Variants in EXOC3L4 observed in about 807,000 individuals in gnomAD.
EXOC3L4 encodes exocyst complex component 3-like protein 4.
EXOC3L4 carries 62 observed loss-of-function variants against 69.7 expected under a neutral mutation model. That is an observed-to-expected ratio of 0.89 (90% confidence interval 0.72 to 1.10). The LOEUF (loss-of-function observed/expected upper bound fraction) is 1.10. Ranked by LOEUF, EXOC3L4 falls within the 50% of genes least tolerant of loss-of-function variation. EXOC3L4 has a pLI of 0.00. For synonymous variants in EXOC3L4, 502 were observed against 464.2 expected, an observed-to-expected ratio of 1.08 and a Z score of -1.05; for missense variants, 1,087 against 1,034.8, an observed-to-expected ratio of 1.05 and a Z score of -0.69.
chr14:103,102,187 T>C lies in EXOC3L4; in HGVS notation c.464T>C (p.Leu155Pro). The change falls in exon 3 of 12, where the codon CTG becomes CCG. Residue 155 changes from leucine to proline, a missense_variant. By Grantham distance (98) the Leu-to-Pro change is moderately conservative. Transcript: ENST00000688303. The stretch of plus-strand genomic sequence containing the variant: ...GCGGCCTTCGAACAGCTTCTGCGCC[T>C]GGAGACGCTGCTGGTGGCCGAGAAG... ...LLAAFEQLLR[L>P]ETLLVAEKAS... 6.2e-7 allele frequency: 1 copy of C among 1,601,310 alleles called. No individual in the cohort carries two copies. Among genetic ancestry groups the C allele is most frequent in the Non-Finnish European group, 8.5e-7 (1 of 1,174,614 alleles).
chr14:103,095,159 AG>A lies in EXOC3L4; in HGVS notation c.-17+321del, dbSNP rs551343802. On this transcript the variant is annotated intron_variant, in intron 1 of 11. Coordinates refer to ENST00000688303, the MANE Select transcript of EXOC3L4 (RefSeq NM_001077594.2). ...CATGCACATACAGGGAGACACTCTC[AG>A]GCCAACACACAGATGTGCAAAACCG... is the stretch of plus-strand genomic sequence containing the variant. Among the ~76,000 whole-genome samples, 4 of 152,354 alleles carry A rather than the reference AG, an allele frequency of 2.6e-5. No individual in the cohort carries two copies. The South Asian group carries it at 8.3e-4, about 32-fold the overall frequency.
intron 1 of EXOC3L4, among the ~76,000 whole-genome samples, chr14:103,098,095 C>T (rs1288049930): frequency 1.3e-5 from 2 of 152,096 alleles, no homozygotes; most frequent in Non-Finnish European, 2.9e-5. Flanking sequence ...GAGGGGCCAT[C>T]TGGGGACCTC....
intron 3 of EXOC3L4, among the ~76,000 whole-genome samples, chr14:103,103,354 CA>C (rs3070496): frequency 0.015 from 1,418 of 94,858 alleles, 10 homozygotes; most frequent in African/African-American, 0.037. Flanking sequence ...GACTCTGTCT[CA>C]AAAAAAAAAA....
Position 103,100,207 on chromosome 14 carries a change from T to C in EXOC3L4, c.-13T>C. The C allele has an allele frequency of 6.4e-7, 1 of 1,560,446 alleles. No individual in the cohort carries two copies. Among genetic ancestry groups the C allele is most frequent in the Non-Finnish European group, 8.7e-7 (1 of 1,148,236 alleles). ...GGCCACTCCTTCTTGCCCCCAGCTC[T>C]CCTGCTGCCAAGATGCCATCACCAC... On this transcript the variant is annotated 5_prime_UTR_variant, in exon 2 of 12. Coordinates refer to ENST00000688303, the MANE Select transcript of EXOC3L4 (RefSeq NM_001077594.2).
At chr14:103,108,680 G>GGA (rs1890725283) in intron 11 of EXOC3L4, among the ~76,000 whole-genome samples, 163 bp downstream of exon 11, 1 of 152,134 alleles carries the variant, frequency 6.6e-6, no homozygotes, top group African/African-American at 2.4e-5. Context: ...GAGGGGGAAT[G>GGA]GAGAGAGCCC....
intron 1 of EXOC3L4, among the ~76,000 whole-genome samples, chr14:103,098,288 G>A (rs1889988565): frequency 6.6e-6 from 1 of 152,080 alleles, no homozygotes; most frequent in Non-Finnish European, 1.5e-5. Context: ...TGACACCTTG[G>A]GTCTCTCCGC....
intron 3 of EXOC3L4, 52 bp downstream of exon 3, chr14:103,102,824 C>T (rs1890286646): frequency 5.4e-6 from 7 of 1,308,132 alleles, no homozygotes; most frequent in Non-Finnish European, 6.8e-6. Flanking sequence ...GCTTCCTCCG[C>T]AGGCCTTGGG....
rs1174447093 is a variant in EXOC3L4, at chr14:103,110,410, G to C, written c.*187G>C. 3 of 761,938 alleles carry C rather than the reference G, an allele frequency of 3.9e-6. No homozygotes were observed. Among genetic ancestry groups the C allele is most frequent in the African/African-American group, 1.7e-5 (1 of 58,206 alleles). The allele number at this position is 761,938 out of a possible 1,614,324, so 47.2% of individuals were successfully genotyped here. A position where few individuals can be genotyped will look rare whatever the true frequency, so the allele number is the denominator to read the frequency against. ...GAGCAGCCGTGCAGGAGGCATTTCAGGCATCGTTGAGGGGAGTGTTTTGGG... is the reference window on the plus strand; with the variant it reads ...GAGCAGCCGTGCAGGAGGCATTTCACGCATCGTTGAGGGGAGTGTTTTGGG... On this transcript the variant is annotated 3_prime_UTR_variant, in exon 12 of 12. Transcript: ENST00000688303.
rs1890255523 is a variant in EXOC3L4 at position 103,102,491 on chromosome 14, C to G, written c.768C>G (p.Arg256=). 15 of 1,384,984 alleles carry G rather than the reference C, an allele frequency of 1.1e-5. No homozygotes were observed. The highest frequency in any genetic ancestry group is 1.3e-5 in the Non-Finnish European group (14 of 1,076,906). 85.8% of individuals were successfully genotyped at this position (1,384,984 alleles called of 1,614,324 possible). ...CGGTGCGGCGAAGCGCTCAGGAGCG[C>G]GTGCGGCGGCCGGGCGCGGGGTGGG... is the stretch of plus-strand genomic sequence containing the variant. The part of the protein sequence containing the change: ...EEAVRRSAQE[R]VRRPGAGWAF... The change falls in exon 3 of 12, where the codon CGC becomes CGG. Residue 256 remains arginine (R), a synonymous_variant. Transcript: ENST00000688303.
chr14:103,106,478 A>G (rs944002), intron 7 of EXOC3L4, among the ~76,000 whole-genome samples: 37,588 of 152,056 alleles, frequency 0.25, 4,822 homozygotes, highest in African/African-American at 0.27. Context: ...GGGCAGTTAT[A>G]AGGCTCAGGG....
intron 7 of EXOC3L4, 96 bp downstream of exon 7, chr14:103,105,168 G>T (rs1017452487): frequency 1.2e-5 from 15 of 1,260,874 alleles, no homozygotes; most frequent in Admixed American, 2.3e-5. Context: ...GCGCGTGGAG[G>T]GGGCAGAGGT....
At chr14:103,103,787 GGCGCGCGC>G (rs142839498) in intron 3 of EXOC3L4, 146 bp from the exon 4 acceptor site, 3 of 481,652 alleles carry the variant, frequency 6.2e-6, no homozygotes, top group Middle Eastern at 3.8e-4. Flanking sequence ...GCAGCCTAGA[GGCGCGCGC>G]GCGTGTGTGT....
intron 3 of EXOC3L4, 30 bp downstream of exon 3, chr14:103,102,802 A>G: frequency 7.6e-7 from 1 of 1,318,368 alleles, no homozygotes; most frequent in Non-Finnish European, 9.6e-7. Context: ...CCCAGTGGCG[A>G]GGACAGCTGC....
chr14:103,110,448 T>C lies in EXOC3L4; in HGVS notation c.*225T>C. ...GGAGTGTTTTGGGGCCGCAGAGCTC[T>C]CAATGCTGCCTATCGGGCGGGGGGG... is the stretch of plus-strand genomic sequence containing the variant. On this transcript the variant is annotated 3_prime_UTR_variant, in exon 12 of 12. Transcript: ENST00000688303. 3.1e-6 allele frequency: 2 copies of C among 640,538 alleles called. No homozygotes were observed. Among genetic ancestry groups the C allele is most frequent in the South Asian group, 1.5e-5 (1 of 65,544 alleles). 39.7% of individuals were successfully genotyped at this position (640,538 alleles called of 1,614,324 possible). A position where few individuals can be genotyped will look rare whatever the true frequency, so the allele number is the denominator to read the frequency against.
chr14:103,110,025 C>T lies in EXOC3L4; in HGVS notation c.1977-6C>T, dbSNP rs1232250182. 2.5e-6 allele frequency: 4 copies of T among 1,587,886 alleles called. No homozygotes were observed. Among genetic ancestry groups the T allele is most frequent in the Non-Finnish European group, 3.4e-6 (4 of 1,168,576 alleles). ...GTCTGCAGTGAGTGCCCGCATGTCT[C>T]TGCAGGCGGGACCACATACTGGCCA... On this transcript the variant is annotated splice_region_variant and splice_polypyrimidine_tract_variant and intron_variant, in intron 11 of 11. Transcript: ENST00000688303.
At position 103,102,220 on chromosome 14, in the gene EXOC3L4, G is replaced by T; in HGVS notation, c.497G>T (p.Arg166Leu). The T allele has an allele frequency of 6.3e-7, 1 of 1,590,752 alleles. No individual in the cohort carries two copies. The highest frequency in any genetic ancestry group is 8.6e-7 in the Non-Finnish European group (1 of 1,169,518). ...CTGCTGGTGGCCGAGAAGGCCTCGC[G>T]CACCTTTGAGCAGGACCCTACGGCC... ...ETLLVAEKAS[R>L]TFEQDPTAFA... The change falls in exon 3 of 12, where the codon CGC (arginine) becomes CTC (leucine). Residue 166 changes from arginine to leucine, a missense_variant. Physicochemically the swap from Arg to Leu is moderately radical, Grantham distance 102. Coordinates refer to ENST00000688303, the MANE Select transcript of EXOC3L4 (RefSeq NM_001077594.2).
In EXOC3L4 at chr14:103,104,399, G is replaced by A. The variant is rs750785279; in HGVS notation, c.1284+10G>A. The A allele has an allele frequency of 8.4e-6, 13 of 1,548,712 alleles. No individual in the cohort carries two copies. The highest frequency in any genetic ancestry group is 2.0e-5 in the Admixed American group (1 of 50,808). ...CATGGACGTCCATATGGTGCGGCCCGGGAGCAGGGGCTGAGAAGGGGCGTC... is the reference window on the plus strand; with the variant it reads ...CATGGACGTCCATATGGTGCGGCCCAGGAGCAGGGGCTGAGAAGGGGCGTC... On this transcript the variant is annotated intron_variant, in intron 5 of 11. Transcript: ENST00000688303.
chr14:103,104,284 C>T lies in EXOC3L4; in HGVS notation c.1179C>T (p.Cys393=). The T allele has an allele frequency of 6.3e-7, 1 of 1,595,552 alleles. No homozygotes were observed. The highest frequency in any genetic ancestry group is 8.5e-7 in the Non-Finnish European group (1 of 1,172,932). Residue 393 remains cysteine (C), a synonymous_variant, in exon 5 of 12, where the codon TGC becomes TGT. Transcript: ENST00000688303. ...TSFLEAKIAS[C]FDSILQLEQS... is the part of the protein sequence containing the mutation. Reference sequence around the variant, plus strand: ...CCCCCCAGGCCAAGATCGCAAGCTGCTTCGACAGCATCTTGCAGCTGGAGC... The same window carrying T: ...CCCCCCAGGCCAAGATCGCAAGCTGTTTCGACAGCATCTTGCAGCTGGAGC...
At chr14:103,095,805 C>T (rs866295526) in intron 1 of EXOC3L4, among the ~76,000 whole-genome samples, 1 of 152,114 alleles carries the variant, frequency 6.6e-6, no homozygotes, top group African/African-American at 2.4e-5. Context: ...TTTACTAAAC[C>T]CTTTTATTAG....
Sources: gnomAD v4.1 joint callset for allele counts (sites outside exome capture counted in the v4.1 genomes callset) on GRCh38, gnomAD v4.1.1 for gene constraint, MANE v1.5 for transcripts, NCBI Gene and HGNC (gene_info 2026-07-23, HGNC 2026-07-21) for gene names.